GABRA3: variants seen among roughly 807,000 people sequenced by gnomAD.
GABRA3 encodes the protein gamma-aminobutyric acid type A receptor subunit alpha3.
GABRA3 carries 10 observed loss-of-function variants against 30.1 expected under a neutral mutation model. The ratio of observed to expected loss-of-function variants is 0.33; its 90% CI spans 0.20 to 0.56. The LOEUF is 0.56. Ranked by LOEUF, GABRA3 falls within the 20% of genes least tolerant of loss-of-function variation. The pLI is 0.89. For synonymous variants in GABRA3, 151 were observed against 146.8 expected, an observed-to-expected ratio of 1.03 and a Z score of -0.21; for missense variants, 233 against 392.0, an observed-to-expected ratio of 0.59 and a Z score of 3.42.
At chrX:152,174,740 T>C (rs1350954629) in intron 9 of GABRA3, among the ~76,000 whole-genome samples, 4 of 111,943 alleles carry the variant, frequency 3.6e-5, no homozygotes, top group Admixed American at 9.5e-5. Context: ...ATTCTGTAGA[T>C]TGCCTGTTCA....
chrX:152,250,405 G>C (rs956886419), intron 5 of GABRA3, among the ~76,000 whole-genome samples: 1 of 111,228 alleles, frequency 9.0e-6, no homozygotes, highest in Non-Finnish European at 1.9e-5. Context: ...ATAAAATCTA[G>C]TTAAATTCCA....
chrX:152,190,418 T>C (rs1937308917), intron 8 of GABRA3, among the ~76,000 whole-genome samples: 1 of 111,514 alleles, frequency 9.0e-6, no homozygotes, highest in African/African-American at 3.3e-5. Context: ...GATGGCTCCT[T>C]GCGAAACTGC....
intron 5 of GABRA3, among the ~76,000 whole-genome samples, chrX:152,240,114 A>T (rs1251754361): frequency 1.0e-5 from 1 of 99,336 alleles, no homozygotes; most frequent in Non-Finnish European, 2.0e-5. Context: ...TTTTGGCATG[A>T]TTTTGCAGCA....
At chrX:152,249,943 T>C (rs148171356) in intron 5 of GABRA3, among the ~76,000 whole-genome samples, 39 of 111,457 alleles carry the variant, frequency 3.5e-4, no homozygotes, top group African/African-American at 1.2e-3. Flanking sequence ...GATGCTCCCA[T>C]AGTACTCTCT....
chrX:152,307,779 T>C (rs1204633149), intron 3 of GABRA3, among the ~76,000 whole-genome samples: 1 of 110,630 alleles, frequency 9.0e-6, no homozygotes, highest in Non-Finnish European at 1.9e-5. Flanking sequence ...AAGGGGTGAG[T>C]TAAATAGGCA....
At chrX:152,270,925 C>T (rs1938922380) in intron 4 of GABRA3, among the ~76,000 whole-genome samples, 1 of 106,467 alleles carries the variant, frequency 9.4e-6, no homozygotes, top group African/African-American at 3.4e-5. Context: ...CCTGAGAAGA[C>T]AGGAACATGT....
rs190084652 is a variant in GABRA3 at position 152,220,516 on chromosome X, C to G, written c.634+4247G>C. The stretch of plus-strand genomic sequence containing the variant: ...TACAATGAGCTCTGCTATGGACATT[C>G]TTTATATGCCTTTTGGTATACATAA... On this transcript the variant is annotated intron_variant, in intron 6 of 9. Coordinates refer to ENST00000370314, the MANE Select transcript of GABRA3 (RefSeq NM_000808.4). Among the ~76,000 whole-genome samples the G allele has an allele frequency of 7.2e-5, 8 of 111,511 alleles. No homozygotes were observed. In the East Asian group the frequency reaches 2.3e-3, roughly 32 times the overall value.
chrX:152,242,476 T>G (rs1436794466), intron 5 of GABRA3, among the ~76,000 whole-genome samples: 2 of 111,754 alleles, frequency 1.8e-5, no homozygotes, highest in African/African-American at 6.5e-5. Context: ...AGTGAAGAGA[T>G]AACCTATGGA....
chrX:152,189,165 T>A (rs1455210192), intron 9 of GABRA3, among the ~76,000 whole-genome samples: 1 of 111,840 alleles, frequency 8.9e-6, no homozygotes. Context: ...ATTATTTTAA[T>A]ATCAGGAGCA....
chrX:152,294,201 G>T (rs1202456814), intron 3 of GABRA3, among the ~76,000 whole-genome samples: 2 of 111,295 alleles, frequency 1.8e-5, no homozygotes, highest in African/African-American at 6.5e-5. Flanking sequence ...AGTTCTCCTG[G>T]ATAATATCCT....
chrX:152,201,464 T>C (rs1456345748), intron 7 of GABRA3, among the ~76,000 whole-genome samples: 8 of 112,356 alleles, frequency 7.1e-5, no homozygotes, highest in Non-Finnish European at 5.6e-5. Context: ...TAACTGACTA[T>C]ATTTTCCTGA....
rs747155693 is a variant in GABRA3 at position 152,178,792 on chromosome X, C to A, written c.1144-10229G>T. Among the ~76,000 whole-genome samples, 11 of 110,740 alleles carry A rather than the reference C, an allele frequency of 9.9e-5. 1 individual carries two copies. The South Asian group carries it at 1.5e-3, about 16-fold the overall frequency. On this transcript the variant is annotated intron_variant, in intron 9 of 9. Coordinates refer to ENST00000370314, the MANE Select transcript of GABRA3 (RefSeq NM_000808.4). ...CTTATGAAAATCAAGAAACCCTTAC[C>A]CCAATGCACCCAAACCCATTGTCCA...
chrX:152,278,795 T>C (rs1275809852), intron 4 of GABRA3, among the ~76,000 whole-genome samples: 1 of 111,954 alleles, frequency 8.9e-6, no homozygotes, highest in Non-Finnish European at 1.9e-5. Flanking sequence ...TTTTAATGAT[T>C]GCCATTCTAA....
At chrX:152,427,490 T>C (rs1200022880) in intron 1 of GABRA3, among the ~76,000 whole-genome samples, 1 of 112,280 alleles carries the variant, frequency 8.9e-6, no homozygotes, top group Non-Finnish European at 1.9e-5. Context: ...CTTTACATTC[T>C]AAGCTTGAAC....
At chrX:152,400,089 A>C (rs1929756155) in intron 1 of GABRA3, among the ~76,000 whole-genome samples, 2 of 111,931 alleles carry the variant, frequency 1.8e-5, no homozygotes, top group Admixed American at 1.9e-4. Flanking sequence ...AAGAGGATAC[A>C]CACACGTCAC....
intron 8 of GABRA3, among the ~76,000 whole-genome samples, chrX:152,190,682 A>T (rs1185471312): frequency 1.8e-5 from 2 of 110,161 alleles, no homozygotes; most frequent in African/African-American, 6.6e-5. Context: ...CTAGGTCCCT[A>T]TTGGGCTTTG....
intron 5 of GABRA3, among the ~76,000 whole-genome samples, chrX:152,233,510 C>T (rs1938131516): frequency 9.2e-6 from 1 of 109,278 alleles, no homozygotes; most frequent in Non-Finnish European, 1.9e-5. Context: ...CCATCTCACA[C>T]CAGTTAGAAT....
intron 3 of GABRA3, among the ~76,000 whole-genome samples, chrX:152,300,970 C>T (rs975344795): frequency 1.8e-4 from 20 of 111,748 alleles, no homozygotes; most frequent in Non-Finnish European, 3.0e-4. Flanking sequence ...GAAGAAATAG[C>T]GCTCAGAAAC....
chrX:152,172,084 G>A (rs16996368), intron 9 of GABRA3, among the ~76,000 whole-genome samples: 2,516 of 110,909 alleles, frequency 0.023, 67 homozygotes, highest in African/African-American at 0.078. Context: ...ATGCTATGTG[G>A]GACTCAAAGA....
Sources: allele counts gnomAD v4.1 joint callset (sites outside exome capture counted in the v4.1 genomes callset), GRCh38; gene constraint gnomAD v4.1.1; transcripts MANE v1.5; gene names NCBI Gene and HGNC (gene_info 2026-07-23, HGNC 2026-07-21).